Variants in DOCK3 observed in about 807,000 individuals in gnomAD.
DOCK3 encodes the protein dedicator of cytokinesis protein 3.
A neutral mutation model predicts 265.6 loss-of-function variants in DOCK3; 60 were observed. The observed-to-expected ratio is 0.23, with a 90% confidence interval of 0.18 to 0.28. The LOEUF is 0.28. DOCK3 is among the 10% of genes least tolerant of loss of function. The probability of loss-of-function intolerance (pLI) is 1.00; values close to 1 mark genes in which losing one functional copy is unlikely to be tolerated. For missense variants in DOCK3, 1,981 were observed against 2,594.3 expected, an observed-to-expected ratio of 0.76 and a Z score of 5.14; for synonymous variants, 881 against 938.0, an observed-to-expected ratio of 0.94 and a Z score of 1.11.
At chr3:50,791,474 A>G (rs1044762813) in intron 2 of DOCK3, among the ~76,000 whole-genome samples, 9 of 151,988 alleles carry the variant, frequency 5.9e-5, no homozygotes, top group Non-Finnish European at 1.3e-4. Flanking sequence ...GGGTTTTACC[A>G]TGTTGGCCAG....
intron 2 of DOCK3, among the ~76,000 whole-genome samples, chr3:50,793,484 G>T (rs904837145): frequency 6.7e-6 from 1 of 149,924 alleles, no homozygotes; most frequent in South Asian, 2.1e-4. Flanking sequence ...TCAGCCTCCC[G>T]TAGGTGGGAT....
At chr3:51,313,421 T>TGA (rs2083204664) in intron 31 of DOCK3, among the ~76,000 whole-genome samples, 1 of 152,224 alleles carries the variant, frequency 6.6e-6, no homozygotes, top group African/African-American at 2.4e-5. Context: ...AACCTCTGGG[T>TGA]GAGATCAGTT....
Position 51,272,832 on chromosome 3 carries a change from A to G in DOCK3, c.2548+1825A>G, listed in dbSNP as rs556464472. Among the ~76,000 whole-genome samples the G allele has an allele frequency of 2.6e-5, 4 of 152,088 alleles. No homozygotes were observed. The South Asian group carries it at 8.3e-4, about 32-fold the overall frequency. Reference sequence around the variant, plus strand: ...ATGGTTTGGGGCACACTGTCACTGAAGGCCACTGTACACACTTGAGCTTTG... The same window carrying G: ...ATGGTTTGGGGCACACTGTCACTGAGGGCCACTGTACACACTTGAGCTTTG... On this transcript the variant is annotated intron_variant, in intron 24 of 52. Transcript: ENST00000266037.
chr3:50,850,070 T>C (rs1289919126), intron 3 of DOCK3, among the ~76,000 whole-genome samples: 2 of 151,678 alleles, frequency 1.3e-5, no homozygotes, highest in Admixed American at 6.6e-5. Flanking sequence ...CCGTCATTGC[T>C]TGGATTGCTT....
At chr3:50,894,336 CA>C (rs991695324) in intron 4 of DOCK3, among the ~76,000 whole-genome samples, 1 of 151,346 alleles carries the variant, frequency 6.6e-6, no homozygotes, top group East Asian at 1.9e-4. Flanking sequence ...CTGAAGGAAA[CA>C]AAAAAAACCC....
At position 51,358,083 on chromosome 3, in the gene DOCK3, T is replaced by C. The variant is rs1234885579; in HGVS notation, c.4884+6T>C. On this transcript the variant is annotated splice_donor_region_variant and intron_variant, in intron 46 of 52. Coordinates refer to ENST00000266037, the MANE Select transcript of DOCK3 (RefSeq NM_004947.5). ...TGCGGGCCAGTCTCTACCATGTAAG[T>C]TGATCCCTGTCCTGCCCCTGCTGCA... 2 of 1,613,144 alleles carry C rather than the reference T, an allele frequency of 1.2e-6. No individual in the cohort carries two copies. The highest frequency in any genetic ancestry group is 2.7e-5 in the African/African-American group (2 of 75,024).
intron 28 of DOCK3, among the ~76,000 whole-genome samples, chr3:51,311,071 A>C (rs2083044081): frequency 6.6e-6 from 1 of 152,252 alleles, no homozygotes. Context: ...TAGAAGGATG[A>C]TTGTAAACAA....
intron 6 of DOCK3, among the ~76,000 whole-genome samples, chr3:51,074,256 C>T (rs1171170130): frequency 2.0e-5 from 3 of 152,160 alleles, no homozygotes; most frequent in Admixed American, 2.0e-4. Context: ...CACACAAACT[C>T]ATCCGTGTCA....
chr3:51,247,105 G>C (rs1404470461), intron 22 of DOCK3, among the ~76,000 whole-genome samples: 4 of 152,188 alleles, frequency 2.6e-5, no homozygotes, highest in African/African-American at 7.2e-5. Flanking sequence ...CTAAAGTATA[G>C]TAACTCCTTC....
chr3:51,152,289 A>G (rs1455179195), intron 10 of DOCK3, among the ~76,000 whole-genome samples: 1 of 151,908 alleles, frequency 6.6e-6, no homozygotes, highest in African/African-American at 2.4e-5. Context: ...CAAATTGGCT[A>G]TTGAAGCTTG....
chr3:51,303,400 G>A (rs1283589251), intron 27 of DOCK3, among the ~76,000 whole-genome samples: 2 of 152,196 alleles, frequency 1.3e-5, no homozygotes, highest in African/African-American at 4.8e-5. Context: ...ACCTTCTGAA[G>A]CCTACTTCTG....
At chr3:50,947,392 T>C (rs2076455904) in intron 5 of DOCK3, among the ~76,000 whole-genome samples, 3 of 152,030 alleles carry the variant, frequency 2.0e-5, no homozygotes, top group Non-Finnish European at 4.4e-5. Flanking sequence ...TTGACTAGAT[T>C]TTCAGTGTGA....
intron 7 of DOCK3, 142 bp downstream of exon 7, chr3:51,075,582 T>C: frequency 1.6e-6 from 1 of 641,250 alleles, no homozygotes; most frequent in South Asian, 2.2e-5. Context: ...ATTCTGGCCA[T>C]ATCTGTCACA....
At chr3:51,074,170 G>T (rs1433015878) in intron 6 of DOCK3, among the ~76,000 whole-genome samples, 29 of 152,136 alleles carry the variant, frequency 1.9e-4, no homozygotes, top group Admixed American at 1.9e-3. Context: ...TTTTGGATAG[G>T]GTGGTCACAG....
intron 4 of DOCK3, among the ~76,000 whole-genome samples, chr3:50,895,590 T>G (rs2048858015): frequency 6.6e-6 from 1 of 152,136 alleles, no homozygotes; most frequent in Non-Finnish European, 1.5e-5. Context: ...TAGGTATACA[T>G]GTGCCATGGT....
chr3:51,068,170 G>A (rs1341255878), intron 6 of DOCK3, among the ~76,000 whole-genome samples: 2 of 152,144 alleles, frequency 1.3e-5, no homozygotes, highest in Non-Finnish European at 2.9e-5. Flanking sequence ...ATTGTTATTA[G>A]TAGTGTATTG....
intron 5 of DOCK3, among the ~76,000 whole-genome samples, chr3:51,021,054 C>A (rs2079565968): frequency 6.6e-6 from 1 of 151,924 alleles, no homozygotes. Context: ...ATAAATGATT[C>A]TTGGCAGTAT....
At chr3:51,023,523 C>A (rs1410104135) in intron 5 of DOCK3, among the ~76,000 whole-genome samples, 1 of 151,994 alleles carries the variant, frequency 6.6e-6, no homozygotes, top group East Asian at 1.9e-4. Context: ...TTAAGCGATT[C>A]TCCTGCATCA....
At chr3:51,249,258 G>T (rs1242801133) in intron 22 of DOCK3, among the ~76,000 whole-genome samples, 2 of 129,028 alleles carry the variant, frequency 1.6e-5, no homozygotes, top group East Asian at 2.5e-4. Flanking sequence ...GGGCGCCTCT[G>T]CCCGGCCGCC....
Sources: allele counts gnomAD v4.1 joint callset (sites outside exome capture counted in the v4.1 genomes callset), GRCh38; gene constraint gnomAD v4.1.1; transcripts MANE v1.5; gene names NCBI Gene and HGNC (gene_info 2026-07-23, HGNC 2026-07-21).